Variants in DDX60L observed in about 807,000 individuals in gnomAD.
The protein encoded by DDX60L is probable ATP-dependent RNA helicase DDX60-like.
A neutral mutation model predicts 211.6 loss-of-function variants in DDX60L; 191 were observed. The ratio of observed to expected loss-of-function variants is 0.90; its 90% confidence interval spans 0.80 to 1.02. DDX60L has a LOEUF of 1.02. DDX60L is among the 50% of genes least tolerant of loss of function. The probability of loss-of-function intolerance (pLI) is 0.00; values close to 1 mark genes in which losing one functional copy is unlikely to be tolerated. For synonymous variants in DDX60L, 706 were observed against 694.1 expected, an observed-to-expected ratio of 1.02 and a Z score of -0.27; for missense variants, 2,007 against 1,984.1, an observed-to-expected ratio of 1.01 and a Z score of -0.22.
chr4:168,418,494 A>C (rs1381504563), intron 19 of DDX60L, among the ~76,000 whole-genome samples: 1 of 152,248 alleles, frequency 6.6e-6, no homozygotes, highest in Admixed American at 6.5e-5. Flanking sequence ...GAATGTTCAA[A>C]GTCAGCAACA....
intron 29 of DDX60L, chr4:168,390,275 A>C: frequency 2.7e-6 from 3 of 1,099,054 alleles, no homozygotes; most frequent in Non-Finnish European, 3.3e-6. Context: ...TCTGAAGGAA[A>C]CAAAAGTCCC....
chr4:168,379,788 G>A lies in DDX60L; in HGVS notation c.4159C>T (p.Arg1387Ter), dbSNP rs373131010. ...LKHSLLSFKRRRAMETLKLYF... is the reference protein window; with the variant it reads ...LKHSLLSFKR ...AGTTTCAAAGTCTCCATGGCTCTTCGTCTCTTAAAAGACAGCAATGAATGC... is the reference window on the plus strand; with the variant it reads ...AGTTTCAAAGTCTCCATGGCTCTTCATCTCTTAAAAGACAGCAATGAATGC... The change falls in exon 31 of 38, where the codon CGA becomes TGA. Residue 1387 changes from arginine (R) to a stop codon, truncating the protein, a stop_gained. Coordinates refer to ENST00000682922, the MANE Select transcript of DDX60L (RefSeq NM_001012967.3). LOFTEE classifies it high-confidence loss of function. 3.7e-5 allele frequency: 60 copies of A among 1,612,994 alleles called. No homozygotes were observed. Among genetic ancestry groups the A allele is most frequent in the Admixed American group, 2.7e-4 (16 of 59,886 alleles).
At chr4:168,379,896 A>C in intron 30 of DDX60L, 66 bp from the exon 31 acceptor site, 1 of 1,159,364 alleles carries the variant, frequency 8.6e-7, no homozygotes, top group Non-Finnish European at 1.3e-6. Flanking sequence ...GATATGTAAT[A>C]AATAGTACAC....
intron 5 of DDX60L, 109 bp from the exon 6 acceptor site, chr4:168,458,117 C>T (rs1756839844): frequency 3.3e-6 from 2 of 605,066 alleles, no homozygotes; most frequent in East Asian, 2.8e-5. Flanking sequence ...TTATCTCATG[C>T]TGGTCAGAAT....
intron 36 of DDX60L, among the ~76,000 whole-genome samples, chr4:168,369,486 A>C (rs1560928128): frequency 1.7e-5 from 1 of 60,606 alleles, no homozygotes; most frequent in Non-Finnish European, 3.2e-5. Flanking sequence ...AAAAAAACAA[A>C]AAAAAAAAAA....
chr4:168,432,876 T>C (rs1752554428), intron 11 of DDX60L, 134 bp downstream of exon 11: 1 of 519,058 alleles, frequency 1.9e-6, no homozygotes, highest in African/African-American at 2.0e-5. Flanking sequence ...ATCACTTAAA[T>C]GTATTATAGT....
At chr4:168,413,615 C>T (rs1179221881) in intron 22 of DDX60L, among the ~76,000 whole-genome samples, 2 of 151,196 alleles carry the variant, frequency 1.3e-5, no homozygotes, top group Non-Finnish European at 2.9e-5. Context: ...CTCTTGATAG[C>T]AAAATTAATC....
chr4:168,381,089 C>G lies in DDX60L; in HGVS notation c.4117-1259G>C, dbSNP rs1742867953. 2.0e-5 allele frequency among the ~76,000 whole-genome samples: 3 copies of G among 152,190 alleles called. No individual in the cohort carries two copies. In the South Asian group the frequency reaches 6.2e-4, roughly 32 times the overall value. On this transcript the variant is annotated intron_variant, in intron 30 of 37. Transcript: ENST00000682922. ...ATCAACCTATGCGCATATGTGTTAG[C>G]AAAGAAATCACCTGAAACTAGAACT...
intron 10 of DDX60L, among the ~76,000 whole-genome samples, chr4:168,435,008 G>C (rs548327768): frequency 6.6e-6 from 1 of 152,260 alleles, no homozygotes; most frequent in East Asian, 1.9e-4. Flanking sequence ...CTGGAGAAGG[G>C]GAAATCATCT....
intron 36 of DDX60L, among the ~76,000 whole-genome samples, chr4:168,369,632 A>G (rs1740637260): frequency 6.6e-6 from 1 of 152,206 alleles, no homozygotes; most frequent in Non-Finnish European, 1.5e-5. Flanking sequence ...AGAAAACAAC[A>G]GAGTGGAGAG....
intron 25 of DDX60L, among the ~76,000 whole-genome samples, chr4:168,402,654 G>T (rs62334116): frequency 4.6e-5 from 7 of 152,060 alleles, no homozygotes; most frequent in Non-Finnish European, 8.8e-5. Context: ...CAAAGTATGC[G>T]CTCTTAACTA....
chr4:168,426,966 A>G, intron 14 of DDX60L, 104 bp downstream of exon 14: 1 of 1,242,234 alleles, frequency 8.1e-7, no homozygotes, highest in East Asian at 2.5e-5. Context: ...AAATCAGACA[A>G]TGGATTATAC....
intron 36 of DDX60L, among the ~76,000 whole-genome samples, chr4:168,368,468 A>G (rs1740381928): frequency 1.3e-5 from 2 of 152,248 alleles, no homozygotes; most frequent in African/African-American, 4.8e-5. Context: ...AGTTTGCTGC[A>G]GGAGCAGGGC....
At chr4:168,476,689 G>A (rs1759543572) in intron 1 of DDX60L, among the ~76,000 whole-genome samples, 1 of 152,128 alleles carries the variant, frequency 6.6e-6, no homozygotes, top group Non-Finnish European at 1.5e-5. Context: ...CATCGGATCA[G>A]AGGTATCAAC....
chr4:168,401,055 G>C, intron 25 of DDX60L, 77 bp from the exon 26 acceptor site: 1 of 1,342,476 alleles, frequency 7.4e-7, no homozygotes, highest in Non-Finnish European at 1.0e-6. Context: ...AAATTATAAG[G>C]CCCCTCAATC....
intron 22 of DDX60L, among the ~76,000 whole-genome samples, 157 bp downstream of exon 22, chr4:168,415,251 T>C (rs185118427): frequency 6.6e-6 from 1 of 152,132 alleles, no homozygotes; most frequent in East Asian, 1.9e-4. Flanking sequence ...ATAAAAAATG[T>C]ATTAAATTTA....
At chr4:168,463,158 TTCCA>T (rs1253191636) in intron 4 of DDX60L, among the ~76,000 whole-genome samples, 1 of 152,180 alleles carries the variant, frequency 6.6e-6, no homozygotes, top group Non-Finnish European at 1.5e-5. Flanking sequence ...ATATAAATCA[TTCCA>T]TCATAAAGAC....
intron 1 of DDX60L, among the ~76,000 whole-genome samples, chr4:168,475,432 T>G (rs1328814945): frequency 3.9e-5 from 6 of 152,200 alleles, no homozygotes; most frequent in Non-Finnish European, 8.8e-5. Context: ...TCACAAAACT[T>G]GACTCCATAA....
intron 29 of DDX60L, among the ~76,000 whole-genome samples, chr4:168,387,722 T>C (rs28438507): frequency 0.032 from 4,883 of 152,264 alleles, 266 homozygotes; most frequent in African/African-American, 0.11. Context: ...GTGTAATAGA[T>C]TAAGCATCAA....
Sources: gnomAD v4.1 joint callset for allele counts (sites outside exome capture counted in the v4.1 genomes callset) on GRCh38, gnomAD v4.1.1 for gene constraint, MANE v1.5 for transcripts, NCBI Gene and HGNC (gene_info 2026-07-23, HGNC 2026-07-21) for gene names.